Variants in MARCHF1 observed in about 807,000 individuals in gnomAD.
MARCHF1 encodes E3 ubiquitin-protein ligase MARCHF1.
In MARCHF1, 40 loss-of-function variants were observed where a neutral mutation model predicts 54.2. The ratio of observed to expected loss-of-function variants is 0.74; its 90% CI spans 0.57 to 0.96. The LOEUF (loss-of-function observed/expected upper bound fraction) is 0.96. Among genes scored for constraint, MARCHF1 ranks in the 40% least tolerant of loss-of-function variants. The pLI is 0.00. For missense variants in MARCHF1, 586 were observed against 656.5 expected (o/e 0.89, Z 1.17); for synonymous variants, 236 against 236.3 (o/e 1.00, Z 0.01).
intron 3 of MARCHF1, among the ~76,000 whole-genome samples, chr4:163,938,212 T>A (rs1413681510): frequency 6.6e-6 from 1 of 152,192 alleles, no homozygotes; most frequent in East Asian, 1.9e-4. Flanking sequence ...GGAAATGTTA[T>A]GTGAAATAAA....
At chr4:164,199,402 A>G (rs113351658) in intron 1 of MARCHF1, among the ~76,000 whole-genome samples, 1,810 of 152,128 alleles carry the variant, frequency 0.012, 36 homozygotes, top group African/African-American at 0.042. Flanking sequence ...AGCACTTTGG[A>G]AAGCCAAGGC....
At chr4:164,197,644 G>C (rs2288674) in intron 1 of MARCHF1, 50 of 1,612,542 alleles carry the variant, frequency 3.1e-5, no homozygotes, top group Non-Finnish European at 4.1e-5. Flanking sequence ...GTTGTCCAGG[G>C]CAAGTTCTTT....
chr4:164,009,525 C>T (rs1051793239), intron 2 of MARCHF1, among the ~76,000 whole-genome samples: 2 of 152,034 alleles, frequency 1.3e-5, no homozygotes, highest in Non-Finnish European at 2.9e-5. Context: ...CATTGATTAA[C>T]CTAGATGCAA....
intron 8 of MARCHF1, among the ~76,000 whole-genome samples, chr4:163,580,802 T>TGATGTTTAAAGAGAGAATGTCTCAGCTA (rs1339344589): frequency 4.1e-5 from 5 of 121,294 alleles, no homozygotes; most frequent in African/African-American, 6.2e-5. Flanking sequence ...ATTAAAGTTT[T>TGATGTTTAAAGAGAGAATGTCTCAGCTA]TTTTTTTTTT....
At chr4:164,291,591 A>G (rs1466090276) in intron 1 of MARCHF1, among the ~76,000 whole-genome samples, 4 of 152,002 alleles carry the variant, frequency 2.6e-5, no homozygotes. Flanking sequence ...GCACTTCCAC[A>G]AACCTGGATG....
intron 1 of MARCHF1, among the ~76,000 whole-genome samples, chr4:164,306,869 C>A (rs1449259503): frequency 1.3e-5 from 2 of 152,242 alleles, no homozygotes; most frequent in South Asian, 4.1e-4. Context: ...ATGCCATAAA[C>A]TAATCATCAT....
intron 4 of MARCHF1, among the ~76,000 whole-genome samples, chr4:163,759,004 A>T (rs1017769871): frequency 6.6e-6 from 1 of 152,156 alleles, no homozygotes; most frequent in Non-Finnish European, 1.5e-5. Context: ...AGTTCCCGTT[A>T]TATCTTGAAA....
chr4:163,573,779 G>C (rs1739933212), intron 8 of MARCHF1, among the ~76,000 whole-genome samples: 1 of 151,964 alleles, frequency 6.6e-6, no homozygotes, highest in Admixed American at 6.6e-5. Context: ...ACATACGTGT[G>C]CATGTGTCTT....
intron 2 of MARCHF1, among the ~76,000 whole-genome samples, chr4:164,108,611 C>A (rs996403304): frequency 6.6e-6 from 1 of 151,956 alleles, no homozygotes; most frequent in Admixed American, 6.6e-5. Flanking sequence ...ATATTTGGCA[C>A]TTCTATTCCT....
chr4:163,992,766 C>A (rs4056077), intron 2 of MARCHF1, among the ~76,000 whole-genome samples: 144,814 of 148,284 alleles, frequency 0.98, 70,808 homozygotes, highest in East Asian at 1. Flanking sequence ...AATTACATTA[C>A]TTATAAAATA....
intron 1 of MARCHF1, among the ~76,000 whole-genome samples, chr4:164,222,638 GA>G (rs1306116597): frequency 1.3e-5 from 2 of 151,730 alleles, no homozygotes; most frequent in African/African-American, 4.8e-5. Flanking sequence ...TGGAGAGAGG[GA>G]ACCAGGAAGA....
intron 4 of MARCHF1, among the ~76,000 whole-genome samples, chr4:163,819,726 C>T (rs2111047796): frequency 6.6e-6 from 1 of 152,196 alleles, no homozygotes; most frequent in South Asian, 2.1e-4. Flanking sequence ...ATGCTCTCCC[C>T]AATATTCGTA....
intron 5 of MARCHF1, among the ~76,000 whole-genome samples, chr4:163,662,248 G>C (rs12648197): frequency 6.6e-6 from 1 of 151,674 alleles, no homozygotes; most frequent in Non-Finnish European, 1.5e-5. Flanking sequence ...TTTCTTTGCT[G>C]TCTCATCCTG....
At chr4:163,639,264 A>T (rs955934641) in intron 5 of MARCHF1, among the ~76,000 whole-genome samples, 1 of 152,164 alleles carries the variant, frequency 6.6e-6, no homozygotes, top group African/African-American at 2.4e-5. Context: ...ACCATAATCC[A>T]TATCAGGTTG....
chr4:164,167,686 C>G (rs1730417673), intron 1 of MARCHF1, among the ~76,000 whole-genome samples: 1 of 151,816 alleles, frequency 6.6e-6, no homozygotes, highest in Non-Finnish European at 1.5e-5. Context: ...GAACAATAAT[C>G]TCTTCAATAA....
chr4:163,802,997 C>T (rs2110979747), intron 4 of MARCHF1, among the ~76,000 whole-genome samples: 1 of 152,214 alleles, frequency 6.6e-6, no homozygotes, highest in African/African-American at 2.4e-5. Context: ...CCTTATCAAG[C>T]CTCATCCTAA....
chr4:164,100,361 C>A (rs928933353), intron 2 of MARCHF1, among the ~76,000 whole-genome samples: 1 of 152,194 alleles, frequency 6.6e-6, no homozygotes, highest in Admixed American at 6.5e-5. Context: ...CAACACCTGT[C>A]CAAATCTTCT....
chr4:163,823,956 A>G (rs1171722791), intron 4 of MARCHF1, among the ~76,000 whole-genome samples: 1 of 151,918 alleles, frequency 6.6e-6, no homozygotes, highest in African/African-American at 2.4e-5. Context: ...TTTTTATAAA[A>G]ATTTAGAAAG....
chr4:164,351,457 G>T (rs1459321685), intron 1 of MARCHF1, among the ~76,000 whole-genome samples: 1 of 150,834 alleles, frequency 6.6e-6, no homozygotes, highest in East Asian at 2.0e-4. Context: ...CCTGACCCCT[G>T]ACCCCCGAGC....
Sources: gnomAD v4.1 joint callset for allele counts (sites outside exome capture counted in the v4.1 genomes callset) on GRCh38, gnomAD v4.1.1 for gene constraint, MANE v1.5 for transcripts, NCBI Gene and HGNC (gene_info 2026-07-23, HGNC 2026-07-21) for gene names.